SLC10A6: variants seen among roughly 807,000 people sequenced by gnomAD.
SLC10A6 encodes sodium-dependent organic anion transporter.
SLC10A6 carries 27 observed loss-of-function variants against 30.0 expected under a neutral mutation model. The ratio of observed to expected loss-of-function variants is 0.90; its 90% CI spans 0.66 to 1.24. The LOEUF (loss-of-function observed/expected upper bound fraction) is 1.24. Ranked by LOEUF, SLC10A6 falls within the 50% of genes most tolerant of loss-of-function variation. SLC10A6 has a pLI of 0.00. For synonymous variants in SLC10A6, 166 were observed against 173.8 expected (o/e 0.95, Z 0.36); for missense variants, 439 against 457.0 (o/e 0.96, Z 0.36).
chr4:86,828,012 T>TA lies in SLC10A6; in HGVS notation c.741dup (p.Thr248TyrfsTer34). The TA allele has an allele frequency of 7.4e-6, 12 of 1,612,764 alleles. No homozygotes were observed. The highest frequency in any genetic ancestry group is 1.0e-5 in the Non-Finnish European group (12 of 1,179,550). On this transcript the variant is annotated frameshift_variant, in exon 4 of 6. Coordinates refer to ENST00000273905, the MANE Select transcript of SLC10A6 (RefSeq NM_197965.3). LOFTEE classifies it high-confidence loss of function. ...CTATACCTTTGCCAAGACTGGTGGG[T>TA]AAAAAGTGCCAGCAGAAAACCCGTG...
chr4:86,849,183 C>T lies in SLC10A6; in HGVS notation c.-68G>A, dbSNP rs1269566071. On this transcript the variant is annotated 5_prime_UTR_variant, in exon 1 of 6. It introduces an in-frame stop codon into an upstream open reading frame of the 5' UTR. Coordinates refer to ENST00000273905, the MANE Select transcript of SLC10A6 (RefSeq NM_197965.3). ...ACAATGGCTGGGCAGGTCTATCCTG[C>T]CACATTTTGTAATAGTGCAACGAAG... is the stretch of plus-strand genomic sequence containing the variant. The T allele has an allele frequency of 6.6e-7, 1 of 1,524,198 alleles. No homozygotes were observed. Among genetic ancestry groups the T allele is most frequent in the African/African-American group, 1.4e-5 (1 of 72,160 alleles). The allele number at this position is 1,524,198 out of a possible 1,614,324, so 94.4% of individuals were successfully genotyped here.
chr4:86,825,804 A>T (rs1047448339), intron 4 of SLC10A6, among the ~76,000 whole-genome samples: 2 of 152,238 alleles, frequency 1.3e-5, no homozygotes, highest in African/African-American at 4.8e-5. Context: ...AAAAGACAAG[A>T]TAAACACACA....
At chr4:86,838,373 C>T (rs570891802) in intron 1 of SLC10A6, among the ~76,000 whole-genome samples, 37 of 152,296 alleles carry the variant, frequency 2.4e-4, no homozygotes, top group African/African-American at 8.4e-4. Flanking sequence ...TCCTCTCCAT[C>T]TCTAGGAGAC....
In SLC10A6 at chr4:86,825,416, C is replaced by T. The variant is rs757652366; in HGVS notation, c.919+4G>A. 6.3e-7 allele frequency: 1 copy of T among 1,582,330 alleles called. No individual in the cohort carries two copies. The highest frequency in any genetic ancestry group is 1.7e-5 in the Admixed American group (1 of 59,626). ...TATTTCCTACCCAATGGGTGTTCACCCACCTGCAACAATAAGAAATCCATC... is the reference window on the plus strand; with the variant it reads ...TATTTCCTACCCAATGGGTGTTCACTCACCTGCAACAATAAGAAATCCATC... On this transcript the variant is annotated splice_donor_region_variant and intron_variant, in intron 5 of 5. Coordinates refer to ENST00000273905, the MANE Select transcript of SLC10A6 (RefSeq NM_197965.3).
chr4:86,831,667 T>C, intron 3 of SLC10A6, 125 bp downstream of exon 3: 1 of 754,812 alleles, frequency 1.3e-6, no homozygotes, highest in Admixed American at 2.2e-5. Flanking sequence ...CCACAGGATG[T>C]GTAAGAAGAA....
chr4:86,831,878 T>C lies in SLC10A6; in HGVS notation c.499A>G (p.Ile167Val), dbSNP rs368767682. 3 of 1,612,012 alleles carry C rather than the reference T, an allele frequency of 1.9e-6. No homozygotes were observed. Among genetic ancestry groups the C allele is most frequent in the Non-Finnish European group, 2.5e-6 (3 of 1,178,808 alleles). Reference protein sequence around the residue: ...NLTIPYQNIGITLVCLTIPVA... With the variant: ...NLTIPYQNIGVTLVCLTIPVA... Reference sequence around the variant, plus strand: ...GGAATGGTCAGGCACACAAGGGTAATTCCTAAAGAGAAGAAAAATCCATGA... The same window carrying C: ...GGAATGGTCAGGCACACAAGGGTAACTCCTAAAGAGAAGAAAAATCCATGA... The change falls in exon 3 of 6, where the codon ATT becomes GTT. Residue 167 changes from isoleucine (I) to valine (V), a missense_variant and splice_region_variant. Physicochemically the swap from Ile to Val is conservative, Grantham distance 29. Transcript: ENST00000273905.
At chr4:86,841,892 G>T (rs768810632) in intron 1 of SLC10A6, among the ~76,000 whole-genome samples, 2 of 152,168 alleles carry the variant, frequency 1.3e-5, no homozygotes, top group African/African-American at 2.4e-5. Context: ...AGAATAGAGC[G>T]TAAGGCCCGA....
intron 2 of SLC10A6, 109 bp downstream of exon 2, chr4:86,833,197 T>C: frequency 1.2e-6 from 1 of 827,306 alleles, no homozygotes. Context: ...GGGATTAAAT[T>C]AAGTACTACC....
intron 1 of SLC10A6, 95 bp downstream of exon 1, chr4:86,848,644 C>T (rs1746431947): frequency 2.1e-6 from 3 of 1,415,076 alleles, no homozygotes; most frequent in Non-Finnish European, 2.9e-6. Flanking sequence ...AGAATCTCTA[C>T]CAAAAGATTA....
chr4:86,831,574 G>A (rs1216780776), intron 3 of SLC10A6, among the ~76,000 whole-genome samples: 1 of 152,200 alleles, frequency 6.6e-6, no homozygotes, highest in African/African-American at 2.4e-5. Flanking sequence ...TTTCCAGGGC[G>A]TCATAAGCCT....
At position 86,833,403 on chromosome 4, in the gene SLC10A6, G is replaced by A; in HGVS notation, c.399C>T (p.Ser133=). The A allele has an allele frequency of 5.0e-6, 8 of 1,613,852 alleles. No homozygotes were observed. The highest frequency in any genetic ancestry group is 6.8e-6 in the Non-Finnish European group (8 of 1,179,820). Residue 133 remains serine (S), a synonymous_variant, in exon 2 of 6, where the codon TCC becomes TCT. Transcript: ENST00000273905. ...GCATCATTCCCAGGGCGGCCACGGT[G>A]GAACAGGTTGTCATACTGATGCTGA... ...MDLSISMTTC[S]TVAALGMMPL... is the part of the protein sequence containing the mutation.
rs1553899233 is a variant in SLC10A6, at chr4:86,837,343, A to AAGGCAGGCAGGCAGGCAGGC, written c.378-3920_378-3919insGCCTGCCTGCCTGCCTGCCT. Among the ~76,000 whole-genome samples, 158 of 102,902 alleles carry AAGGCAGGCAGGCAGGCAGGC rather than the reference A, an allele frequency of 1.5e-3. 8 individuals are homozygous for AAGGCAGGCAGGCAGGCAGGC. The highest frequency in any genetic ancestry group is 5.8e-3 in the African/African-American group (145 of 25,124). 67.5% of individuals were successfully genotyped at this position (102,902 alleles called of 152,430 possible). A position where few individuals can be genotyped will look rare whatever the true frequency, so the allele number is the denominator to read the frequency against. On this transcript the variant is annotated intron_variant, in intron 1 of 5. Coordinates refer to ENST00000273905, the MANE Select transcript of SLC10A6 (RefSeq NM_197965.3). ...GAAGGAAGGAAGGAAGGAAGGAAGG[A>AAGGCAGGCAGGCAGGCAGGC]AGGCAGGCAGGCAGGCTGGGATTTG... is the stretch of plus-strand genomic sequence containing the variant.
chr4:86,834,957 A>G (rs1034396057), intron 1 of SLC10A6, among the ~76,000 whole-genome samples: 1 of 152,204 alleles, frequency 6.6e-6, no homozygotes, highest in African/African-American at 2.4e-5. Context: ...TAACTAAGCA[A>G]GAACTCACTT....
rs1263013327 is a variant in SLC10A6, at chr4:86,823,706, G to A, written c.1116C>T (p.His372=). The change falls in exon 6 of 6, where the codon CAC becomes CAT. Residue 372 remains histidine (H), a synonymous_variant. Coordinates refer to ENST00000273905, the MANE Select transcript of SLC10A6 (RefSeq NM_197965.3). ...GTCCCTGCTATTCACATGAAGTGATGTGGCCAACTGGCTCGAGAGCCCTGT... is the reference window on the plus strand; with the variant it reads ...GTCCCTGCTATTCACATGAAGTGATATGGCCAACTGGCTCGAGAGCCCTGT... ...DCHRALEPVG[H]ITSCE is the part of the protein sequence containing the mutation. 2 of 1,609,632 alleles carry A rather than the reference G, an allele frequency of 1.2e-6. No homozygotes were observed. Among genetic ancestry groups the A allele is most frequent in the African/African-American group, 2.7e-5 (2 of 74,772 alleles).
chr4:86,849,286 G>T lies in SLC10A6; in HGVS notation c.-171C>A. On this transcript the variant is annotated 5_prime_UTR_variant, in exon 1 of 6. Transcript: ENST00000273905. The stretch of plus-strand genomic sequence containing the variant: ...TAATCTGATCAATTTTTTCACAAGT[G>T]GCATTATAAAAGTAATTATCACAGG... The T allele has an allele frequency of 1.4e-6, 1 of 724,560 alleles. No individual in the cohort carries two copies. Among genetic ancestry groups the T allele is most frequent in the Non-Finnish European group, 2.2e-6 (1 of 450,216 alleles). The allele number at this position is 724,560 out of a possible 1,614,324, so 44.9% of individuals were successfully genotyped here.
At chr4:86,828,675 C>A (rs1157622536) in intron 3 of SLC10A6, among the ~76,000 whole-genome samples, 2 of 152,088 alleles carry the variant, frequency 1.3e-5, no homozygotes, top group African/African-American at 4.8e-5. Flanking sequence ...AAAATTTACC[C>A]ATTCTTCATT....
intron 2 of SLC10A6, 79 bp downstream of exon 2, chr4:86,833,227 G>T (rs891233098): frequency 2.6e-6 from 3 of 1,140,662 alleles, no homozygotes; most frequent in Non-Finnish European, 3.9e-6. Flanking sequence ...CCTGCATAAA[G>T]AGTTATATAA....
intron 1 of SLC10A6, among the ~76,000 whole-genome samples, chr4:86,841,885 A>G (rs1157781194): frequency 1.3e-5 from 2 of 152,210 alleles, no homozygotes; most frequent in East Asian, 3.8e-4. Context: ...TGACCCTAGA[A>G]TAGAGCGTAA....
At chr4:86,831,711 C>A (rs1222088613) in intron 3 of SLC10A6, 81 bp downstream of exon 3, 1 of 1,176,360 alleles carries the variant, frequency 8.5e-7, no homozygotes, top group African/African-American at 1.5e-5. Context: ...AACAAGCTCA[C>A]TTGTCCCAGC....
Sources: gnomAD v4.1 joint callset for allele counts (sites outside exome capture counted in the v4.1 genomes callset) on GRCh38, gnomAD v4.1.1 for gene constraint, MANE v1.5 for transcripts, NCBI Gene and HGNC (gene_info 2026-07-23, HGNC 2026-07-21) for gene names.